The following JSRP1 variants were observed in gnomAD, a reference collection of about 807,000 sequenced individuals.
JSRP1 encodes 2310032K21Rik.
JSRP1 carries 29 observed loss-of-function variants against 21.4 expected under a neutral mutation model. That is an observed-to-expected ratio of 1.36 (90% CI 1.01 to 1.85). The LOEUF (loss-of-function observed/expected upper bound fraction) is 1.85. JSRP1 is among the 40% of genes most tolerant of loss of function. The pLI is 0.00. For missense variants in JSRP1, 531 were observed against 461.5 expected (o/e 1.15, Z -1.38); for synonymous variants, 221 against 206.1 (o/e 1.07, Z -0.62).
intron 4 of JSRP1, 37 bp downstream of exon 4, chr19:2,254,150 C>A (rs2025112362): frequency 2.0e-6 from 3 of 1,488,528 alleles, no homozygotes; most frequent in Admixed American, 4.0e-5. Flanking sequence ...CAGTCCGTTC[C>A]CACCCCACAC....
intron 4 of JSRP1, among the ~76,000 whole-genome samples, 164 bp downstream of exon 4, chr19:2,254,023 C>T (rs890744173): frequency 6.6e-6 from 1 of 152,190 alleles, no homozygotes; most frequent in African/African-American, 2.4e-5. Context: ...GGTATTATTA[C>T]GCATTAGTAG....
chr19:2,254,509 T>A, intron 2 of JSRP1, 27 bp from the exon 3 acceptor site: 1 of 1,611,684 alleles, frequency 6.2e-7, no homozygotes, highest in Non-Finnish European at 8.5e-7. Flanking sequence ...AGAGTCAAGG[T>A]TGTGGGGACC....
Position 2,253,069 on chromosome 19 carries a change from C to T in JSRP1, c.437-66G>A, listed in dbSNP as rs546183140. 67 of 1,145,060 alleles carry T rather than the reference C, an allele frequency of 5.9e-5. No individual in the cohort carries two copies. In the South Asian group the frequency reaches 8.1e-4, roughly 14 times the overall value. The allele number at this position is 1,145,060 out of a possible 1,614,324, so 70.9% of individuals were successfully genotyped here. ...GCACGGTCCACACTGTCCATCCCTC[C>T]CTCACCCCTAGAGCCCCCCTCCCTG... is the stretch of plus-strand genomic sequence containing the variant. On this transcript the variant is annotated intron_variant, in intron 5 of 6. Transcript: ENST00000300961.
At chr19:2,255,814 C>T (rs1225314713) in intron 1 of JSRP1, among the ~76,000 whole-genome samples, 13 of 152,192 alleles carry the variant, frequency 8.5e-5, no homozygotes, top group Admixed American at 3.9e-4. Flanking sequence ...TCTGGGCCAC[C>T]CTGACTTGCC....
At position 2,253,639 on chromosome 19, in the gene JSRP1, C is replaced by T; in HGVS notation, c.417G>A (p.Ser139=). Residue 139 remains serine, a synonymous_variant, in exon 5 of 7, where the codon TCG becomes TCA. Coordinates refer to ENST00000300961, the MANE Select transcript of JSRP1 (RefSeq NM_144616.4). Reference sequence around the variant, plus strand: ...GCTCACCGCGGCACAGCTGGAAAGCCGAGCCCAGCAGCGCCACCAGCGAGG... The same window carrying T: ...GCTCACCGCGGCACAGCTGGAAAGCTGAGCCCAGCAGCGCCACCAGCGAGG... The part of the protein sequence containing the change: ...VLASLVALLG[S]AFQLCRDAVP... 2 of 1,500,582 alleles carry T rather than the reference C, an allele frequency of 1.3e-6. No homozygotes were observed. The highest frequency in any genetic ancestry group is 1.4e-5 in the African/African-American group (1 of 69,054). The allele number at this position is 1,500,582 out of a possible 1,614,324, so 93.0% of individuals were successfully genotyped here.
intron 1 of JSRP1, among the ~76,000 whole-genome samples, chr19:2,255,915 G>GC (rs1240817351): frequency 6.6e-6 from 1 of 152,200 alleles, no homozygotes; most frequent in Non-Finnish European, 1.5e-5. Flanking sequence ...GTCGTGACAG[G>GC]CCGGGGCAGG....
chr19:2,254,145 C>T (rs765055931), intron 4 of JSRP1, 42 bp downstream of exon 4: 4 of 1,452,892 alleles, frequency 2.8e-6, no homozygotes, highest in South Asian at 1.3e-5. Context: ...CACACCAGTC[C>T]GTTCCCACCC....
chr19:2,255,275 C>T lies in JSRP1; in HGVS notation c.40G>A (p.Gly14Ser), dbSNP rs150323105. 4.0e-5 allele frequency: 64 copies of T among 1,611,348 alleles called. No individual in the cohort carries two copies. The East Asian group carries it at 4.5e-4, about 11-fold the overall frequency. ...TTRAWEELDGGLGSCQALEDH... is the reference protein window; with the variant it reads ...TTRAWEELDGSLGSCQALEDH... ...TCCAGGGCCTGGCAGCTGCCCAGGCCGCCATCCAGCTCCTCCCAGGCTCTG... is the reference window on the plus strand; with the variant it reads ...TCCAGGGCCTGGCAGCTGCCCAGGCTGCCATCCAGCTCCTCCCAGGCTCTG... The change falls in exon 2 of 7, where the codon GGC becomes AGC. Residue 14 changes from glycine (G) to serine (S), a missense_variant. Gly to Ser is a moderately conservative substitution (Grantham distance 56, BLOSUM62 0). Transcript: ENST00000300961.
In JSRP1 at chr19:2,252,519, G is replaced by T. The variant is rs769259413; in HGVS notation, c.806C>A (p.Ala269Asp). The T allele has an allele frequency of 1.2e-6, 2 of 1,612,674 alleles. No homozygotes were observed. Among genetic ancestry groups the T allele is most frequent in the South Asian group, 2.2e-5 (2 of 91,074 alleles). Reference sequence around the variant, plus strand: ...TAGGGCTTCCCGGGGCTCCCTGGCGGCCCGTGGCCTCTCCTCTTTCCGCGG... The same window carrying T: ...TAGGGCTTCCCGGGGCTCCCTGGCGTCCCGTGGCCTCTCCTCTTTCCGCGG... ...ERPRKEERPR[A>D]AREPREALPQ... Residue 269 changes from alanine (A) to aspartate (D), a missense_variant, in exon 7 of 7, where the codon GCC becomes GAC. By Grantham distance (126) the Ala-to-Asp change is moderately radical. Coordinates refer to ENST00000300961, the MANE Select transcript of JSRP1 (RefSeq NM_144616.4).
At chr19:2,253,589 C>G (rs1016377768) in intron 5 of JSRP1, 31 bp downstream of exon 5, 1 of 1,420,318 alleles carries the variant, frequency 7.0e-7, no homozygotes, top group Non-Finnish European at 9.2e-7. Flanking sequence ...GGACCCCAGC[C>G]TCGCCCCACC....
rs144380074 is a variant in JSRP1 at position 2,252,533 on chromosome 19, C to G, written c.792G>C (p.Glu264Asp). 73 of 1,612,798 alleles carry G rather than the reference C, an allele frequency of 4.5e-5. No individual in the cohort carries two copies. The highest frequency in any genetic ancestry group is 4.1e-5 in the Non-Finnish European group (48 of 1,179,922). ...ERPKKERPRK[E>D]ERPRAAREPR... The stretch of plus-strand genomic sequence containing the variant: ...GCTCCCTGGCGGCCCGTGGCCTCTC[C>G]TCTTTCCGCGGCCTCTCTTTCTTAG... The change falls in exon 7 of 7, where the codon GAG (glutamate) becomes GAC (aspartate). Residue 264 changes from glutamate to aspartate, a missense_variant. Coordinates refer to ENST00000300961, the MANE Select transcript of JSRP1 (RefSeq NM_144616.4).
At chr19:2,254,513 G>C in intron 2 of JSRP1, 31 bp from the exon 3 acceptor site, 1 of 1,611,664 alleles carries the variant, frequency 6.2e-7, no homozygotes, top group South Asian at 1.1e-5. Context: ...TCAAGGTTGT[G>C]GGGACCCCCA....
intron 5 of JSRP1, 122 bp downstream of exon 5, chr19:2,253,498 A>C (rs2025095397): frequency 2.0e-6 from 2 of 1,012,674 alleles, no homozygotes; most frequent in South Asian, 4.2e-5. Flanking sequence ...GGGGGCGTGC[A>C]AGACCCAGCC....
At position 2,253,656 on chromosome 19, in the gene JSRP1, C is replaced by T. The variant is rs201363415; in HGVS notation, c.400G>A (p.Val134Met). ...LNKCLVLASL[V>M]ALLGSAFQLC... is the part of the protein sequence containing the mutation. ...TGGAAAGCCGAGCCCAGCAGCGCCA[C>T]CAGCGAGGCGAGCACCAGGCACTTG... The change falls in exon 5 of 7, where the codon GTG becomes ATG. Residue 134 changes from valine to methionine, a missense_variant. Physicochemically the swap from Val to Met is conservative, Grantham distance 21 (BLOSUM62 1). Coordinates refer to ENST00000300961, the MANE Select transcript of JSRP1 (RefSeq NM_144616.4). 116 of 1,507,466 alleles carry T rather than the reference C, an allele frequency of 7.7e-5. 1 individual carries two copies. The Middle Eastern group carries it at 1.7e-3, about 22-fold the overall frequency. The allele number at this position is 1,507,466 out of a possible 1,614,324, so 93.4% of individuals were successfully genotyped here.
Position 2,252,254 on chromosome 19 carries a change from C to T in JSRP1, c.*75G>A, listed in dbSNP as rs943014091. 3.8e-6 allele frequency: 5 copies of T among 1,319,410 alleles called. No individual in the cohort carries two copies. Among genetic ancestry groups the T allele is most frequent in the Admixed American group, 5.8e-5 (2 of 34,724 alleles). The allele number at this position is 1,319,410 out of a possible 1,614,324, so 81.7% of individuals were successfully genotyped here. A position where few individuals can be genotyped will look rare whatever the true frequency, so the allele number is the denominator to read the frequency against. On this transcript the variant is annotated 3_prime_UTR_variant, in exon 7 of 7. Coordinates refer to ENST00000300961, the MANE Select transcript of JSRP1 (RefSeq NM_144616.4). ...CGTAAAGGAGCAGGTGACTCTGCGG[C>T]CGCAGCACTCGCTTTATTTCGCCAG...
intron 5 of JSRP1, 109 bp downstream of exon 5, chr19:2,253,511 G>T: frequency 8.9e-7 from 1 of 1,128,764 alleles, no homozygotes; most frequent in Non-Finnish European, 1.2e-6. Context: ...ACCCAGCCCT[G>T]GAGAGGAGGC....
chr19:2,253,676 C>T lies in JSRP1; in HGVS notation c.380G>A (p.Cys127Tyr), dbSNP rs1264023175. Residue 127 changes from cysteine to tyrosine, a missense_variant, in exon 5 of 7, where the codon TGC becomes TAC. Coordinates refer to ENST00000300961, the MANE Select transcript of JSRP1 (RefSeq NM_144616.4). ...CGCCACCAGCGAGGCGAGCACCAGG[C>T]ACTTGTTGAGCGACAGGTCTCCCCA... ...LPWGDLSLNK[C>Y]LVLASLVALL... is the part of the protein sequence containing the mutation. The T allele has an allele frequency of 5.3e-6, 8 of 1,510,756 alleles. No individual in the cohort carries two copies. In the East Asian group the frequency reaches 2.1e-4, roughly 41 times the overall value. The allele number at this position is 1,510,756 out of a possible 1,614,324, so 93.6% of individuals were successfully genotyped here. A position where few individuals can be genotyped will look rare whatever the true frequency, so the allele number is the denominator to read the frequency against.
rs770586860 is a variant in JSRP1, at chr19:2,254,437, C to T, written c.147+8G>A. On this transcript the variant is annotated splice_region_variant and intron_variant, in intron 3 of 6. Coordinates refer to ENST00000300961, the MANE Select transcript of JSRP1 (RefSeq NM_144616.4). ...CTGGGTTAAAGGCTGAGGGTCCCAG[C>T]TACTCACGTGGGGCACGCTGCCGGA... 6.2e-7 allele frequency: 1 copy of T among 1,612,896 alleles called. No homozygotes were observed. The highest frequency in any genetic ancestry group is 8.5e-7 in the Non-Finnish European group (1 of 1,179,964).
chr19:2,254,593 G>C (rs2025121242), intron 2 of JSRP1, 111 bp from the exon 3 acceptor site: 3 of 1,205,976 alleles, frequency 2.5e-6, no homozygotes, highest in South Asian at 2.6e-5. Context: ...TTATAGATAA[G>C]AAAGTAGGTG....
Sources: allele counts gnomAD v4.1 joint callset (sites outside exome capture counted in the v4.1 genomes callset), GRCh38; gene constraint gnomAD v4.1.1; transcripts MANE v1.5; gene names NCBI Gene and HGNC (gene_info 2026-07-23, HGNC 2026-07-21).